Variants in MROH2B observed in about 807,000 individuals in gnomAD.
MROH2B encodes maestro heat like repeat family member 2B, also known as maestro heat-like repeat-containing protein family member 2B.
In MROH2B, 177 loss-of-function variants were observed where a neutral mutation model predicts 208.6. The observed-to-expected ratio is 0.85, with a 90% CI of 0.75 to 0.96. The LOEUF is 0.96. MROH2B is among the 40% of genes least tolerant of loss of function. The probability of loss-of-function intolerance (pLI) is 0.00; values close to 1 mark genes in which losing one functional copy is unlikely to be tolerated. For missense variants in MROH2B, 2,002 were observed against 1,878.7 expected (o/e 1.07, Z -1.21); for synonymous variants, 728 against 659.0 (o/e 1.10, Z -1.60).
chr5:41,051,157 G>C, intron 12 of MROH2B, 67 bp from the exon 13 acceptor site: 2 of 1,036,844 alleles, frequency 1.9e-6, no homozygotes, highest in East Asian at 6.2e-5. Context: ...GACTTTCCTT[G>C]GGTGTGTTCT....
At position 41,010,091 on chromosome 5, in the gene MROH2B, A is replaced by G. The variant is rs765512274; in HGVS notation, c.3136-12T>C. On this transcript the variant is annotated splice_polypyrimidine_tract_variant and intron_variant, in intron 30 of 41. Coordinates refer to ENST00000399564, the MANE Select transcript of MROH2B (RefSeq NM_173489.5). ...AAGATCTCCAATAGCTAAAGAGAAAAAAGCCAAGTCAAACATTAAGTTGCC... is the reference window on the plus strand; with the variant it reads ...AAGATCTCCAATAGCTAAAGAGAAAGAAGCCAAGTCAAACATTAAGTTGCC... 5.0e-6 allele frequency: 8 copies of G among 1,611,080 alleles called. No individual in the cohort carries two copies. The highest frequency in any genetic ancestry group is 5.1e-6 in the Non-Finnish European group (6 of 1,178,568).
At chr5:41,065,533 G>A (rs1743776501) in intron 3 of MROH2B, 43 bp from the exon 4 acceptor site, 9 of 1,551,766 alleles carry the variant, frequency 5.8e-6, no homozygotes, top group African/African-American at 1.4e-5. Context: ...TAGAAAAGGG[G>A]CAGAGTGAGT....
In MROH2B at chr5:41,018,911, T is replaced by C. The variant is rs1273297385; in HGVS notation, c.2549A>G (p.Gln850Arg). The change falls in exon 25 of 42, where the codon CAG (glutamine) becomes CGG (arginine). Residue 850 changes from glutamine to arginine, a missense_variant. Gln to Arg is a conservative substitution (Grantham distance 43). Coordinates refer to ENST00000399564, the MANE Select transcript of MROH2B (RefSeq NM_173489.5). Reference sequence around the variant, plus strand: ...AATGTGCTCCTTGTCCTTGTCTGTCTGGCCTTCACTTTTCAGATTTTCCAG... The same window carrying C: ...AATGTGCTCCTTGTCCTTGTCTGTCCGGCCTTCACTTTTCAGATTTTCCAG... ...PPLENLKSEG[Q>R]TDKDKEHIQF... 6 of 1,613,836 alleles carry C rather than the reference T, an allele frequency of 3.7e-6. No individual in the cohort carries two copies. Among genetic ancestry groups the C allele is most frequent in the East Asian group, 4.5e-5 (2 of 44,902 alleles).
intron 21 of MROH2B, 135 bp downstream of exon 21, chr5:41,038,601 G>T: frequency 1.3e-6 from 1 of 789,536 alleles, no homozygotes; most frequent in Middle Eastern, 4.0e-4. Context: ...GACATTTACT[G>T]TATTAGTCTG....
intron 29 of MROH2B, among the ~76,000 whole-genome samples, chr5:41,014,983 G>C (rs1741893118): frequency 6.6e-6 from 1 of 152,220 alleles, no homozygotes; most frequent in East Asian, 1.9e-4. Flanking sequence ...GAAGGTAAAT[G>C]AATGCATGAC....
chr5:41,062,666 C>G (rs1216816140), intron 5 of MROH2B, among the ~76,000 whole-genome samples: 1 of 152,118 alleles, frequency 6.6e-6, no homozygotes, highest in Non-Finnish European at 1.5e-5. Flanking sequence ...TTAATTAGTC[C>G]ATTCTTCAGG....
intron 1 of MROH2B, among the ~76,000 whole-genome samples, chr5:41,070,089 C>G (rs1418913321): frequency 2.0e-5 from 3 of 152,234 alleles, no homozygotes; most frequent in African/African-American, 7.2e-5. Context: ...AGGTGAATTT[C>G]TCACTCCTGA....
chr5:41,020,811 A>G (rs1438109691), intron 24 of MROH2B, among the ~76,000 whole-genome samples: 1 of 152,232 alleles, frequency 6.6e-6, no homozygotes, highest in Non-Finnish European at 1.5e-5. Flanking sequence ...ATAATAAATG[A>G]CATATGTGAA....
At chr5:41,012,447 G>A in intron 30 of MROH2B, 136 bp downstream of exon 30, 1 of 789,448 alleles carries the variant, frequency 1.3e-6, no homozygotes, top group Non-Finnish European at 1.9e-6. Context: ...CACAACGTAG[G>A]TCTCTAATGA....
At chr5:41,055,277 C>G (rs957542011) in intron 10 of MROH2B, among the ~76,000 whole-genome samples, 2 of 151,976 alleles carry the variant, frequency 1.3e-5, no homozygotes, top group Non-Finnish European at 2.9e-5. Context: ...TCATATTGCA[C>G]CAAAAAATAG....
rs1206157594 is a variant in MROH2B, at chr5:41,017,117, A to G, written c.2884+733T>C. On this transcript the variant is annotated intron_variant, in intron 28 of 41. Transcript: ENST00000399564. ...GGAACATAGGCAGGCATAAGGTGGC[A>G]TTAAGTCTAGACTGTTTCTGGCTGC... Among the ~76,000 whole-genome samples the G allele has an allele frequency of 2.0e-5, 3 of 152,340 alleles. No homozygotes were observed. The East Asian group carries it at 5.8e-4, about 29-fold the overall frequency.
intron 24 of MROH2B, among the ~76,000 whole-genome samples, chr5:41,031,165 A>C (rs1288367862): frequency 6.6e-6 from 1 of 152,174 alleles, no homozygotes; most frequent in Non-Finnish European, 1.5e-5. Flanking sequence ...ATTGACTCAC[A>C]GTTCCACATG....
At chr5:41,032,553 A>G (rs562793885) in intron 24 of MROH2B, among the ~76,000 whole-genome samples, 189 bp downstream of exon 24, 123 of 152,198 alleles carry the variant, frequency 8.1e-4, no homozygotes, top group African/African-American at 2.8e-3. Flanking sequence ...CAGTCATCAA[A>G]TGACCAATTT....
At position 40,999,684 on chromosome 5, in the gene MROH2B, T is replaced by C. The variant is rs146566800; in HGVS notation, c.4578A>G (p.Lys1526=). The C allele has an allele frequency of 7.0e-5, 112 of 1,610,830 alleles. No individual in the cohort carries two copies. In the East Asian group the frequency reaches 2.3e-3, roughly 34 times the overall value. Residue 1526 remains lysine (K), a synonymous_variant, in exon 40 of 42, where the codon AAA becomes AAG. Transcript: ENST00000399564. ...ATGGGGATGTGTACTCACCTGTGAG[T>C]TTGACAGCTGCACTCCTGATCACCT... is the stretch of plus-strand genomic sequence containing the variant. ...TWEVIRSAAV[K]LTDAVVLNLT... is the part of the protein sequence containing the mutation.
intron 1 of MROH2B, 54 bp downstream of exon 1, chr5:41,070,771 C>T: frequency 6.3e-7 from 1 of 1,584,822 alleles, no homozygotes. Flanking sequence ...TATAATTCCA[C>T]AGAAACAAAA....
intron 19 of MROH2B, among the ~76,000 whole-genome samples, chr5:41,040,825 C>A (rs953147792): frequency 2.6e-5 from 4 of 152,052 alleles, no homozygotes; most frequent in African/African-American, 9.7e-5. Context: ...ATCACCACAC[C>A]CGACTAATTT....
chr5:41,047,314 G>T (rs1743151494), intron 17 of MROH2B, among the ~76,000 whole-genome samples: 1 of 152,106 alleles, frequency 6.6e-6, no homozygotes, highest in Admixed American at 6.6e-5. Context: ...TTAGGAAAAA[G>T]ACATTAAGCC....
rs1444261615 is a variant in MROH2B at position 41,000,577 on chromosome 5, G to T, written c.4350+101C>A. 5 of 1,433,032 alleles carry T rather than the reference G, an allele frequency of 3.5e-6. No individual in the cohort carries two copies. In the South Asian group the frequency reaches 5.9e-5, roughly 17 times the overall value. 88.8% of individuals were successfully genotyped at this position (1,433,032 alleles called of 1,614,324 possible). On this transcript the variant is annotated intron_variant, in intron 38 of 41. Coordinates refer to ENST00000399564, the MANE Select transcript of MROH2B (RefSeq NM_173489.5). The stretch of plus-strand genomic sequence containing the variant: ...AGGTTTTCAGGTTCAGCGCTAAGGG[G>T]TGACTTTAGATCTGGCTCCTGGTGC...
At chr5:41,065,583 A>C in intron 3 of MROH2B, 93 bp from the exon 4 acceptor site, 1 of 965,802 alleles carries the variant, frequency 1.0e-6, no homozygotes, top group Non-Finnish European at 1.5e-6. Flanking sequence ...TTATATATGC[A>C]TTTATTTATT....
Sources: allele counts gnomAD v4.1 joint callset (sites outside exome capture counted in the v4.1 genomes callset), GRCh38; gene constraint gnomAD v4.1.1; transcripts MANE v1.5; gene names NCBI Gene and HGNC (gene_info 2026-07-23, HGNC 2026-07-21).